Variants in RBFOX1 observed in about 807,000 individuals in gnomAD.
RBFOX1 encodes RNA binding fox-1 homolog 1.
In RBFOX1, 8 loss-of-function variants were observed where a neutral mutation model predicts 57.7. The observed-to-expected ratio is 0.14, with a 90% CI of 0.08 to 0.25. The LOEUF (loss-of-function observed/expected upper bound fraction) is 0.25, where lower values mean the gene tolerates loss of function less well. RBFOX1 is among the 10% of genes least tolerant of loss of function. The probability of loss-of-function intolerance (pLI) is 1.00; values close to 1 mark genes in which losing one functional copy is unlikely to be tolerated. For missense variants in RBFOX1, 611 were observed against 548.5 expected (o/e 1.11, Z -1.14); for synonymous variants, 326 against 222.4 (o/e 1.47, Z -4.15).
chr16:5,914,258 C>T (rs2058662706), intron 4 of RBFOX1, among the ~76,000 whole-genome samples: 1 of 152,216 alleles, frequency 6.6e-6, no homozygotes, highest in African/African-American at 2.4e-5. Flanking sequence ...AACAAATTAT[C>T]ACAAAACTTG....
chr16:5,739,793 C>T (rs992864101), intron 3 of RBFOX1, among the ~76,000 whole-genome samples: 1 of 152,246 alleles, frequency 6.6e-6, no homozygotes, highest in Admixed American at 6.5e-5. Flanking sequence ...ACGTTGGGGC[C>T]TCCTCCCCTC....
intron 4 of RBFOX1, among the ~76,000 whole-genome samples, chr16:5,936,325 C>T (rs1390679527): frequency 2.0e-5 from 3 of 152,098 alleles, no homozygotes; most frequent in East Asian, 1.9e-4. Context: ...GGTTTCACCA[C>T]GTTCACCAGA....
At chr16:7,499,843 T>G (rs753437865) in intron 4 of RBFOX1, among the ~76,000 whole-genome samples, 8 of 151,748 alleles carry the variant, frequency 5.3e-5, no homozygotes, top group Non-Finnish European at 1.2e-4. Flanking sequence ...TATCCTAAGT[T>G]GCACACAATT....
At chr16:5,982,164 C>G (rs2060187576) in intron 4 of RBFOX1, among the ~76,000 whole-genome samples, 1 of 152,318 alleles carries the variant, frequency 6.6e-6, no homozygotes, top group African/African-American at 2.4e-5. Context: ...CTGACTGCAT[C>G]TCACCCTACT....
intron 3 of RBFOX1, among the ~76,000 whole-genome samples, chr16:6,908,438 C>CTT: frequency 6.8e-6 from 1 of 146,132 alleles, no homozygotes. Context: ...ATACCTCTGG[C>CTT]CTCTGGTGTG....
chr16:5,245,127 C>G (rs1354666168), intron 1 of RBFOX1, among the ~76,000 whole-genome samples: 1 of 152,180 alleles, frequency 6.6e-6, no homozygotes, highest in Admixed American at 6.5e-5. Context: ...GAGTTGGAGG[C>G]TGGGACAGGG....
chr16:6,945,848 A>G (rs751776406), intron 3 of RBFOX1, among the ~76,000 whole-genome samples: 4 of 152,200 alleles, frequency 2.6e-5, no homozygotes, highest in Non-Finnish European at 4.4e-5. Flanking sequence ...CTGAGATCAA[A>G]TCACTGCACT....
upstream of RBFOX1, among the ~76,000 whole-genome samples, chr16:6,018,074 C>T (rs1048518339): frequency 2.0e-5 from 3 of 152,016 alleles, no homozygotes; most frequent in Non-Finnish European, 4.4e-5. Flanking sequence ...AGCTATGTGA[C>T]CTTGAACAAA....
At chr16:7,702,053 C>A (rs561710158) in intron 14 of RBFOX1, among the ~76,000 whole-genome samples, 1 of 152,152 alleles carries the variant, frequency 6.6e-6, no homozygotes, top group African/African-American at 2.4e-5. Context: ...CTTGTCCTTT[C>A]CTTGAATGGC....
At chr16:7,362,507 G>A (rs961376167) in intron 4 of RBFOX1, among the ~76,000 whole-genome samples, 1 of 147,892 alleles carries the variant, frequency 6.8e-6, no homozygotes, top group Non-Finnish European at 1.5e-5. Context: ...GTATGTGCAT[G>A]TTTTTTGTGT....
At chr16:5,619,159 G>A (rs1432334995) in intron 3 of RBFOX1, among the ~76,000 whole-genome samples, 1 of 152,186 alleles carries the variant, frequency 6.6e-6, no homozygotes, top group Non-Finnish European at 1.5e-5. Context: ...GGTTACCTGT[G>A]AGGCCTCAGC....
intron 1 of RBFOX1, among the ~76,000 whole-genome samples, chr16:6,299,465 A>T (rs1001816615): frequency 1.3e-5 from 2 of 152,186 alleles, no homozygotes; most frequent in African/African-American, 4.8e-5. Context: ...AGGTCGAGTA[A>T]CTTGCCCAAG....
chr16:7,132,340 A>G (rs748924392), intron 4 of RBFOX1, among the ~76,000 whole-genome samples: 3 of 151,782 alleles, frequency 2.0e-5, no homozygotes, highest in African/African-American at 4.8e-5. Context: ...TTGAACTCCT[A>G]TGTTCACTGC....
chr16:5,889,028 T>C (rs2057975300), intron 4 of RBFOX1, among the ~76,000 whole-genome samples: 2 of 152,136 alleles, frequency 1.3e-5, no homozygotes, highest in South Asian at 4.1e-4. Context: ...AATAATATAT[T>C]GATCACCACA....
chr16:6,054,616 A>G (rs905599463), intron 1 of RBFOX1, among the ~76,000 whole-genome samples: 3 of 152,222 alleles, frequency 2.0e-5, no homozygotes, highest in African/African-American at 7.2e-5. Context: ...GGAGAAAAAA[A>G]TCATGAGTTT....
intron 3 of RBFOX1, among the ~76,000 whole-genome samples, chr16:6,665,073 G>A (rs1458689298): frequency 6.6e-6 from 1 of 152,228 alleles, no homozygotes; most frequent in East Asian, 1.9e-4. Flanking sequence ...AGTAAAGTGG[G>A]ACTGTCTTCA....
At chr16:6,581,231 C>T (rs1008074324) in intron 2 of RBFOX1, among the ~76,000 whole-genome samples, 1 of 152,148 alleles carries the variant, frequency 6.6e-6, no homozygotes, top group Admixed American at 6.5e-5. Context: ...GAAGCTTTCC[C>T]TTTGGTGATT....
At chr16:7,413,526 T>G (rs940144529) in intron 4 of RBFOX1, among the ~76,000 whole-genome samples, 1 of 152,094 alleles carries the variant, frequency 6.6e-6, no homozygotes, top group Non-Finnish European at 1.5e-5. Context: ...GCCACTGAGA[T>G]GCCCTCTGTC....
intron 3 of RBFOX1, among the ~76,000 whole-genome samples, chr16:6,849,892 T>G (rs2141919868): frequency 6.6e-6 from 1 of 152,290 alleles, no homozygotes; most frequent in South Asian, 2.1e-4. Flanking sequence ...TGATTTATAA[T>G]TATTTGTGTG....
Sources: allele counts gnomAD v4.1 joint callset (sites outside exome capture counted in the v4.1 genomes callset), GRCh38; gene constraint gnomAD v4.1.1; transcripts MANE v1.5; gene names NCBI Gene and HGNC (gene_info 2026-07-23, HGNC 2026-07-21).